Variants in LHPP observed in about 807,000 individuals in gnomAD.
LHPP encodes the protein hLHPP.
In LHPP, 24 loss-of-function variants were observed where a neutral mutation model predicts 30.3. That is an observed-to-expected ratio of 0.79 (90% CI 0.57 to 1.11). LHPP has a LOEUF of 1.11. LHPP is among the 50% of genes most tolerant of loss of function. The pLI, the probability that LHPP is intolerant of heterozygous loss-of-function variation, is 0.00. For synonymous variants in LHPP, 150 were observed against 157.1 expected (o/e 0.95, Z 0.34); for missense variants, 356 against 367.2 (o/e 0.97, Z 0.25).
intron 6 of LHPP, among the ~76,000 whole-genome samples, chr10:124,577,932 GGTGCAGCACACACAGCCCCATCCT>G (rs1564839373): frequency 6.6e-6 from 1 of 152,086 alleles, no homozygotes; most frequent in African/African-American, 2.4e-5. Flanking sequence ...TCCCCACCTC[GGTGCAGCACACACAGCCCCATCCT>G]GGGAGTGCCA....
rs59550049 is a variant in LHPP, at chr10:124,570,347, T to C, written c.717-42917T>C. Among the ~76,000 whole-genome samples, 888 of 152,300 alleles carry C rather than the reference T, an allele frequency of 5.8e-3. 5 individuals carry two copies. Among genetic ancestry groups the C allele is most frequent in the African/African-American group, 0.02 (848 of 41,558 alleles). On this transcript the variant is annotated intron_variant, in intron 6 of 6. Transcript: ENST00000368842. The stretch of plus-strand genomic sequence containing the variant: ...GCAGCCAGAATTCACCCAGTGCCTA[T>C]GTGAGTCGGGCACTGGGCTGGCCCA...
chr10:124,604,743 T>A (rs752334325), intron 6 of LHPP, among the ~76,000 whole-genome samples: 6 of 152,222 alleles, frequency 3.9e-5, no homozygotes, highest in Non-Finnish European at 5.9e-5. Flanking sequence ...AGTGCCCAGA[T>A]CCCTGAATTC....
intron 6 of LHPP, among the ~76,000 whole-genome samples, chr10:124,530,268 C>T (rs2133930265): frequency 6.6e-6 from 1 of 152,184 alleles, no homozygotes; most frequent in African/African-American, 2.4e-5. Flanking sequence ...AGGGTTCACT[C>T]TCATTTCCTC....
At chr10:124,485,290 C>T (rs1386487829) in intron 2 of LHPP, among the ~76,000 whole-genome samples, 1 of 152,004 alleles carries the variant, frequency 6.6e-6, no homozygotes, top group East Asian at 1.9e-4. Flanking sequence ...ATATCTTGCC[C>T]CACCCTCCAG....
intron 6 of LHPP, among the ~76,000 whole-genome samples, chr10:124,550,833 C>T (rs1589856414): frequency 6.6e-6 from 1 of 152,292 alleles, no homozygotes; most frequent in Middle Eastern, 3.4e-3. Flanking sequence ...CTGAGCCCTC[C>T]TGCCCACGGC....
intron 5 of LHPP, among the ~76,000 whole-genome samples, chr10:124,513,461 A>ATTT (rs1564802648): frequency 1.4e-5 from 1 of 69,834 alleles, no homozygotes; most frequent in African/African-American, 6.1e-5. Flanking sequence ...AATTATTATT[A>ATTT]CTTTTTTTTT....
intron 6 of LHPP, among the ~76,000 whole-genome samples, chr10:124,611,138 G>C (rs939885191): frequency 6.6e-6 from 1 of 151,940 alleles, no homozygotes; most frequent in Non-Finnish European, 1.5e-5. Context: ...GCCGTGCTTG[G>C]GACGGCCAGC....
chr10:124,519,556 G>T (rs909637348), intron 6 of LHPP, among the ~76,000 whole-genome samples: 1 of 152,156 alleles, frequency 6.6e-6, no homozygotes, highest in African/African-American at 2.4e-5. Flanking sequence ...AGTATACACT[G>T]TACCCAGTGT....
intron 6 of LHPP, among the ~76,000 whole-genome samples, chr10:124,519,537 C>A (rs1589823428): frequency 6.6e-6 from 1 of 152,296 alleles, no homozygotes; most frequent in Middle Eastern, 3.4e-3. Context: ...GTGCACCCAT[C>A]ACCCGAGCAG....
chr10:124,514,512 CCA>C (rs1448644800), intron 5 of LHPP, among the ~76,000 whole-genome samples: 2 of 152,176 alleles, frequency 1.3e-5, no homozygotes, highest in Admixed American at 6.5e-5. Context: ...AGACGGCACT[CCA>C]CAGTCTTCTC....
intron 6 of LHPP, among the ~76,000 whole-genome samples, chr10:124,566,977 A>T (rs1948501599): frequency 6.6e-6 from 1 of 152,126 alleles, no homozygotes. Flanking sequence ...CCTCCAGATG[A>T]CATCTCCAGG....
At position 124,469,802 on chromosome 10, in the gene LHPP, G is replaced by A. The variant is rs529072976; in HGVS notation, c.125+7815G>A. Among the ~76,000 whole-genome samples the A allele has an allele frequency of 7.9e-5, 12 of 152,278 alleles. No individual in the cohort carries two copies. In the East Asian group the frequency reaches 1.9e-3, roughly 24 times the overall value. On this transcript the variant is annotated intron_variant, in intron 1 of 6. Transcript: ENST00000368842. ...TCATGGGGGACCAGCAGGCGACAGC[G>A]TGCACTCGGGAAGGCTAGAGCATCT...
chr10:124,590,420 C>T lies in LHPP; in HGVS notation c.717-22844C>T, dbSNP rs551029174. ...CCAAGAAGACTTCTGACCCAGAATT[C>T]TGAGTTGAGTTCCGACGCAGGCGTG... On this transcript the variant is annotated intron_variant, in intron 6 of 6. Coordinates refer to ENST00000368842, the MANE Select transcript of LHPP (RefSeq NM_022126.4). This position sits in a 1 kb window ranked among gnomAD's most constrained non-coding sequence, Gnocchi z 4.3. Among the ~76,000 whole-genome samples the T allele has an allele frequency of 6.6e-5, 10 of 152,216 alleles. No homozygotes were observed. The highest frequency in any genetic ancestry group is 1.3e-4 in the Non-Finnish European group (9 of 68,042).
chr10:124,580,713 TTTTTTTTC>T (rs1406792677), intron 6 of LHPP, among the ~76,000 whole-genome samples: 1,130 of 60,022 alleles, frequency 0.019, 13 homozygotes, highest in African/African-American at 0.064. Context: ...CATTTTCTTT[TTTTTTTTC>T]TTTTTTTTTT....
intron 4 of LHPP, among the ~76,000 whole-genome samples, chr10:124,497,315 CT>C (rs66546237): frequency 0.52 from 74,760 of 142,706 alleles, 21,445 homozygotes; most frequent in South Asian, 0.6. Flanking sequence ...GCAGCCCCCC[CT>C]GCCCGCCGTG....
At chr10:124,525,710 C>T (rs1477903073) in intron 6 of LHPP, among the ~76,000 whole-genome samples, 1 of 152,234 alleles carries the variant, frequency 6.6e-6, no homozygotes, top group African/African-American at 2.4e-5. Context: ...TCAGCTTCCT[C>T]CTCTGCTGGG....
At chr10:124,606,217 A>G (rs529004970) in intron 6 of LHPP, among the ~76,000 whole-genome samples, 6 of 151,962 alleles carry the variant, frequency 3.9e-5, no homozygotes, top group African/African-American at 1.4e-4. Context: ...CCCGAGGGCC[A>G]GGCACTCTGG....
At chr10:124,483,631 C>T (rs1564777854) in intron 1 of LHPP, among the ~76,000 whole-genome samples, 1 of 152,152 alleles carries the variant, frequency 6.6e-6, no homozygotes. Context: ...ATGGCAGGCG[C>T]CTGTAATCCC....
chr10:124,611,862 G>T (rs557281471), intron 6 of LHPP, among the ~76,000 whole-genome samples: 4 of 152,376 alleles, frequency 2.6e-5, no homozygotes, highest in Admixed American at 6.5e-5. Flanking sequence ...CTTCCAAAGT[G>T]GGGGCGCTGC....
Sources: gnomAD v4.1 joint callset for allele counts (sites outside exome capture counted in the v4.1 genomes callset) on GRCh38, gnomAD v4.1.1 for gene constraint, Gnocchi (gnomAD v3.1) non-coding constraint, MANE v1.5 for transcripts, NCBI Gene and HGNC (gene_info 2026-07-23, HGNC 2026-07-21) for gene names.